Variants in SLC28A3 observed in about 807,000 individuals in gnomAD.
The protein encoded by SLC28A3 is concentrative Na(+)-nucleoside cotransporter 3.
Under a neutral mutation model 84.2 loss-of-function variants are expected in SLC28A3, and 68 were observed. The observed-to-expected ratio is 0.81, with a 90% CI of 0.66 to 0.99. SLC28A3 has a LOEUF of 0.99. SLC28A3 is among the 50% of genes least tolerant of loss of function. SLC28A3 has a pLI of 0.00. For missense variants in SLC28A3, 712 were observed against 841.5 expected, an observed-to-expected ratio of 0.85 and a Z score of 1.90; for synonymous variants, 267 against 303.6, an observed-to-expected ratio of 0.88 and a Z score of 1.25.
intron 15 of SLC28A3, 79 bp from the exon 16 acceptor site, chr9:84,280,152 A>G: frequency 1.5e-6 from 2 of 1,345,034 alleles, no homozygotes; most frequent in South Asian, 2.6e-5. Flanking sequence ...AATTGTTCTG[A>G]GGCTGGGCTC....
rs868304897 is a variant in SLC28A3, at chr9:84,304,580, G to A, written c.334+674C>T. The stretch of plus-strand genomic sequence containing the variant: ...TTGTCCTGCCTTCAGGCAAGCGAGT[G>A]GGCTAGATGGCCCTAGGCTACTCAT... On this transcript the variant is annotated intron_variant, in intron 4 of 17. Coordinates refer to ENST00000376238, the MANE Select transcript of SLC28A3 (RefSeq NM_001199633.2). Among the ~76,000 whole-genome samples, 85 of 152,288 alleles carry A rather than the reference G, an allele frequency of 5.6e-4. 1 individual carries two copies. The highest frequency in any genetic ancestry group is 1.8e-3 in the African/African-American group (76 of 41,580).
At chr9:84,278,955 G>A (rs1041134099) in intron 17 of SLC28A3, among the ~76,000 whole-genome samples, 6 of 149,412 alleles carry the variant, frequency 4.0e-5, no homozygotes, top group African/African-American at 7.7e-5. Context: ...TACAAAGTGC[G>A]TAACACACAG....
chr9:84,302,659 G>A (rs143734899), intron 4 of SLC28A3, among the ~76,000 whole-genome samples: 186 of 152,258 alleles, frequency 1.2e-3, no homozygotes, highest in African/African-American at 4.2e-3. Context: ...CTTGAATCTT[G>A]ATGCTCAATC....
chr9:84,292,381 A>G (rs1825258293), intron 10 of SLC28A3, among the ~76,000 whole-genome samples: 1 of 152,168 alleles, frequency 6.6e-6, no homozygotes, highest in Non-Finnish European at 1.5e-5. Context: ...CATCCTCTTC[A>G]TAAACATTCT....
intron 8 of SLC28A3, 21 bp downstream of exon 8, chr9:84,297,200 A>G (rs994438461): frequency 5.6e-6 from 9 of 1,597,128 alleles, no homozygotes; most frequent in African/African-American, 1.4e-5. Context: ...GCGACTACAT[A>G]GAAAAAAGGT....
intron 1 of SLC28A3, among the ~76,000 whole-genome samples, chr9:84,340,109 G>A (rs1827106446): frequency 6.6e-6 from 1 of 152,170 alleles, no homozygotes; most frequent in South Asian, 2.1e-4. Context: ...AGTGAGTTTT[G>A]GTTGATGAAG....
intron 11 of SLC28A3, among the ~76,000 whole-genome samples, chr9:84,288,835 C>T (rs1825100301): frequency 6.6e-6 from 1 of 152,158 alleles, no homozygotes; most frequent in Non-Finnish European, 1.5e-5. Context: ...GCATGAGCCA[C>T]CATGCCCAGC....
chr9:84,355,029 A>AT, the SLC28A3 span, among the ~76,000 whole-genome samples: 1 of 152,232 alleles, frequency 6.6e-6, no homozygotes. Context: ...AAATATAAAA[A>AT]TGATAGAATT....
At chr9:84,346,244 A>T in the SLC28A3 span, among the ~76,000 whole-genome samples, 3 of 152,244 alleles carry the variant, frequency 2.0e-5, no homozygotes, top group African/African-American at 7.2e-5. Flanking sequence ...GTCTACGCAC[A>T]AGCTCATTAA....
At chr9:84,304,753 G>A (rs1391064281) in intron 4 of SLC28A3, among the ~76,000 whole-genome samples, 3 of 152,224 alleles carry the variant, frequency 2.0e-5, no homozygotes, top group Admixed American at 2.0e-4. Flanking sequence ...CCGGCACAGT[G>A]GATCACGCTT....
the SLC28A3 span, among the ~76,000 whole-genome samples, chr9:84,359,627 T>C: frequency 2.6e-5 from 4 of 152,150 alleles, no homozygotes; most frequent in African/African-American, 9.7e-5. Flanking sequence ...GATTACCAAA[T>C]TTAAACATCT....
chr9:84,351,948 C>G, the SLC28A3 span, among the ~76,000 whole-genome samples: 2 of 150,666 alleles, frequency 1.3e-5, no homozygotes, highest in African/African-American at 4.9e-5. Flanking sequence ...TGAGGCAAGA[C>G]GCTAATGGTG....
chr9:84,288,207 C>T (rs1301102152), intron 11 of SLC28A3, 29 bp from the exon 12 acceptor site: 1 of 1,612,996 alleles, frequency 6.2e-7, no homozygotes, highest in Non-Finnish European at 8.5e-7. Context: ...GAAGGCAAAC[C>T]TGGGATTAGC....
At chr9:84,334,765 C>T (rs911293423) in intron 1 of SLC28A3, among the ~76,000 whole-genome samples, 2 of 151,776 alleles carry the variant, frequency 1.3e-5, no homozygotes, top group Non-Finnish European at 2.9e-5. Context: ...CCTAGCCTAA[C>T]TCCCGCTCAT....
intron 1 of SLC28A3, among the ~76,000 whole-genome samples, chr9:84,325,250 G>A (rs1826512845): frequency 6.6e-6 from 1 of 151,072 alleles, no homozygotes; most frequent in Admixed American, 6.6e-5. Flanking sequence ...CCCATTCTAG[G>A]CCTTGATTTT....
chr9:84,332,948 C>A (rs925075723), intron 1 of SLC28A3, among the ~76,000 whole-genome samples: 3 of 152,080 alleles, frequency 2.0e-5, no homozygotes, highest in Non-Finnish European at 2.9e-5. Flanking sequence ...TCATAACTGA[C>A]AAAGGGCTTG....
chr9:84,314,186 A>G (rs529989827), intron 1 of SLC28A3, among the ~76,000 whole-genome samples: 1 of 152,310 alleles, frequency 6.6e-6, no homozygotes, highest in African/African-American at 2.4e-5. Context: ...AATCTCTGGC[A>G]GTAATGGTCA....
rs929636081 is a variant in SLC28A3 at position 84,300,993 on chromosome 9, T to C, written c.524+1207A>G. On this transcript the variant is annotated intron_variant, in intron 5 of 17. Transcript: ENST00000376238. ...TTAAAAAATATCCATGATGCCTGTA[T>C]CAAAATATCTCATATACCCCGTAAA... 5.3e-5 allele frequency among the ~76,000 whole-genome samples: 8 copies of C among 152,048 alleles called. No individual in the cohort carries two copies. The East Asian group carries it at 5.8e-4, about 11-fold the overall frequency.
chr9:84,345,530 G>C (rs1205207421), upstream of SLC28A3, among the ~76,000 whole-genome samples: 1 of 152,168 alleles, frequency 6.6e-6, no homozygotes, highest in Non-Finnish European at 1.5e-5. Flanking sequence ...TTTTAGAAAT[G>C]TAACGATGTG....
Sources: gnomAD v4.1 joint callset for allele counts (sites outside exome capture counted in the v4.1 genomes callset) on GRCh38, gnomAD v4.1.1 for gene constraint, MANE v1.5 for transcripts, NCBI Gene and HGNC (gene_info 2026-07-23, HGNC 2026-07-21) for gene names.